The following BRD10 variants were observed in gnomAD, a reference collection of about 807,000 sequenced individuals.
BRD10 encodes bromodomain containing 10, also known as uncharacterized bromodomain-containing protein 10.
At chr9:5,892,652 GT>G in the BRD10 span, 1 of 897,928 alleles carries the variant, frequency 1.1e-6, no homozygotes, top group Non-Finnish European at 1.7e-6. Context: ...TCTCCCTAGT[GT>G]TTATCTCCCC....
At chr9:5,989,495 T>C in the BRD10 span, among the ~76,000 whole-genome samples, 1 of 150,888 alleles carries the variant, frequency 6.6e-6, no homozygotes, top group Non-Finnish European at 1.5e-5. Context: ...CCTGCTTTCC[T>C]ACAGGCTTTA....
the BRD10 span, among the ~76,000 whole-genome samples, chr9:5,979,426 T>C: frequency 3.3e-5 from 5 of 152,010 alleles, no homozygotes; most frequent in Admixed American, 1.3e-4. Flanking sequence ...GGTGGGAGGA[T>C]AACTTGAGCC....
At chr9:5,972,647 T>C in the BRD10 span, among the ~76,000 whole-genome samples, 4 of 152,180 alleles carry the variant, frequency 2.6e-5, no homozygotes, top group Non-Finnish European at 5.9e-5. Flanking sequence ...CCACGTGATA[T>C]GTTGGCTCCC....
chr9:5,967,694 G>GAAAAAAAAA, the BRD10 span, among the ~76,000 whole-genome samples: 2 of 123,732 alleles, frequency 1.6e-5, no homozygotes, highest in African/African-American at 6.3e-5. Context: ...CCCTTAGCCT[G>GAAAAAAAAA]AAAAAAAAAA....
the BRD10 span, among the ~76,000 whole-genome samples, chr9:5,972,061 AT>A: frequency 6.6e-5 from 10 of 152,350 alleles, no homozygotes; most frequent in South Asian, 8.3e-4. Context: ...TGTCAGGTAC[AT>A]GAACAACAAC....
At chr9:5,895,879 G>A in the BRD10 span, among the ~76,000 whole-genome samples, 6 of 152,204 alleles carry the variant, frequency 3.9e-5, no homozygotes, top group African/African-American at 7.2e-5. Context: ...TGAGTACCAC[G>A]TGACCATGCA....
At chr9:5,962,081 T>C in the BRD10 span, among the ~76,000 whole-genome samples, 2 of 152,204 alleles carry the variant, frequency 1.3e-5, no homozygotes, top group Admixed American at 6.5e-5. Flanking sequence ...AGGGTGTCAA[T>C]TTTGGATCTT....
chr9:5,881,771 A>T, the BRD10 span: 1 of 152,206 alleles, frequency 6.6e-6, no homozygotes, highest in Non-Finnish European at 1.5e-5. Context: ...ACTGAAACAG[A>T]CAATTGTTCT....
chr9:5,880,680 C>T, the BRD10 span, among the ~76,000 whole-genome samples: 2 of 151,942 alleles, frequency 1.3e-5, no homozygotes, highest in Admixed American at 6.6e-5. Flanking sequence ...CCTTTCCCTC[C>T]CCTTCCCTTT....
chr9:5,978,126 T>A, the BRD10 span, among the ~76,000 whole-genome samples: 1 of 152,132 alleles, frequency 6.6e-6, no homozygotes, highest in Admixed American at 6.5e-5. Flanking sequence ...TTTTTCTGGA[T>A]CAGCTCTCAT....
At chr9:5,979,822 C>T in the BRD10 span, among the ~76,000 whole-genome samples, 1 of 151,820 alleles carries the variant, frequency 6.6e-6, no homozygotes, top group African/African-American at 2.4e-5. Context: ...TCCACACCAG[C>T]CTGGGCAACA....
the BRD10 span, chr9:5,897,545 C>A: frequency 1.2e-6 from 2 of 1,611,672 alleles, no homozygotes; most frequent in Non-Finnish European, 1.7e-6. Flanking sequence ...ATTTGTCTAT[C>A]TCTTGGGCCA....
chr9:5,950,956 A>G, the BRD10 span, among the ~76,000 whole-genome samples: 1 of 151,444 alleles, frequency 6.6e-6, no homozygotes, highest in Admixed American at 6.6e-5. Context: ...CATGTTTAGT[A>G]CGGACACATT....
chr9:6,007,644 G>A, the BRD10 span: 4 of 1,603,700 alleles, frequency 2.5e-6, no homozygotes, highest in Middle Eastern at 1.7e-4. Flanking sequence ...CCTCCAGCGA[G>A]GAGGCACTCC....
chr9:5,955,597 C>T, the BRD10 span, among the ~76,000 whole-genome samples: 4 of 150,676 alleles, frequency 2.7e-5, no homozygotes, highest in African/African-American at 1.0e-4. Flanking sequence ...TAACTTTTGG[C>T]TCAATGAAAT....
At chr9:6,006,216 T>C in the BRD10 span, among the ~76,000 whole-genome samples, 1 of 152,204 alleles carries the variant, frequency 6.6e-6, no homozygotes, top group Non-Finnish European at 1.5e-5. Context: ...TCACATTTAT[T>C]AACTCATTAA....
chr9:5,980,090 T>C, the BRD10 span, among the ~76,000 whole-genome samples: 1 of 152,022 alleles, frequency 6.6e-6, no homozygotes, highest in Non-Finnish European at 1.5e-5. Context: ...AAACAAGGTA[T>C]ACAAAATATT....
At chr9:5,912,015 C>A in the BRD10 span, among the ~76,000 whole-genome samples, 1 of 152,210 alleles carries the variant, frequency 6.6e-6, no homozygotes. Flanking sequence ...GTCTTTCAAT[C>A]TGTAAACATT....
At chr9:5,999,552 C>A in the BRD10 span, among the ~76,000 whole-genome samples, 1 of 152,004 alleles carries the variant, frequency 6.6e-6, no homozygotes, top group Non-Finnish European at 1.5e-5. Context: ...GCTTAAAATC[C>A]TTCATACAAC....
Sources: allele counts gnomAD v4.1 joint callset (sites outside exome capture counted in the v4.1 genomes callset), GRCh38; gene constraint gnomAD v4.1.1; transcripts MANE v1.5; gene names NCBI Gene and HGNC (gene_info 2026-07-23, HGNC 2026-07-21).